DDR1: variants seen among roughly 807,000 people sequenced by gnomAD.
DDR1 encodes discoidin domain receptor tyrosine kinase 1.
A neutral mutation model predicts 97.4 loss-of-function variants in DDR1; 64 were observed. The observed-to-expected ratio is 0.66, with a 90% CI of 0.54 to 0.81. The LOEUF (loss-of-function observed/expected upper bound fraction) is 0.81. Among genes scored for constraint, DDR1 ranks in the 30% least tolerant of loss-of-function variants. DDR1 has a pLI of 0.00. For synonymous variants in DDR1, 458 were observed against 503.7 expected, an observed-to-expected ratio of 0.91 and a Z score of 1.21; for missense variants, 990 against 1,259.6, an observed-to-expected ratio of 0.79 and a Z score of 3.24.
Position 30,892,110 on chromosome 6 carries a change from G to C in DDR1, c.774G>C (p.Trp258Cys). The C allele has an allele frequency of 1.2e-6, 2 of 1,614,194 alleles. No individual in the cohort carries two copies. Among genetic ancestry groups the C allele is most frequent in the Non-Finnish European group, 1.7e-6 (2 of 1,180,018 alleles). ...GGCCAGGCTATGACTATGTGGGATG[G>C]AGCAACCACAGCTTCTCCAGTGGCT... Reference protein sequence around the residue: ...RVWPGYDYVGWSNHSFSSGYV... With the variant: ...RVWPGYDYVGCSNHSFSSGYV... Residue 258 changes from tryptophan to cysteine, a missense_variant, in exon 7 of 18, where the codon TGG becomes TGC. Physicochemically the swap from Trp to Cys is radical, Grantham distance 215. Transcript: ENST00000376568.
At chr6:30,893,709 GCCCGTATCTAC>G (rs1191612487) in intron 10 of DDR1, among the ~76,000 whole-genome samples, 1 of 152,228 alleles carries the variant, frequency 6.6e-6, no homozygotes, top group East Asian at 1.9e-4. Flanking sequence ...GATGCAGCTG[GCCCGTATCTAC>G]CCCTCAGGGA....
rs1392105945 is a variant in DDR1, at chr6:30,890,897, A to T, written c.418-76A>T. On this transcript the variant is annotated intron_variant, in intron 4 of 17. Coordinates refer to ENST00000376568, the MANE Select transcript of DDR1 (RefSeq NM_001297654.2). The surrounding 1 kb of genome is among the most constrained non-coding windows in gnomAD (Gnocchi z 5.0). ...CTAAGTGGCCACTGTGGGCTGGGCC[A>T]GGGAGCAGCTGGTGGGTGGGAAGTA... 6.7e-7 allele frequency: 1 copy of T among 1,488,896 alleles called. No homozygotes were observed. 92.2% of individuals were successfully genotyped at this position (1,488,896 alleles called of 1,614,324 possible).
At chr6:30,896,296 G>C (rs1158029859) in intron 12 of DDR1, among the ~76,000 whole-genome samples, 1 of 151,794 alleles carries the variant, frequency 6.6e-6, no homozygotes. Flanking sequence ...GAGAATTCCT[G>C]GGGAGGAATT....
rs1280099868 is a variant in DDR1 at position 30,894,584 on chromosome 6, C to T, written c.1426C>T (p.Pro476Ser). 8.7e-6 allele frequency: 14 copies of T among 1,613,638 alleles called. No individual in the cohort carries two copies. Among genetic ancestry groups the T allele is most frequent in the Non-Finnish European group, 1.2e-5 (14 of 1,179,784 alleles). ...PGDTILINNR[P>S]GPREPPPYQE... ...GGACACTATCCTCATCAACAACCGC[C>T]CAGGTCCTAGAGAGCCACCCCCGTA... Residue 476 changes from proline to serine, a missense_variant, in exon 11 of 18, where the codon CCA becomes TCA. Transcript: ENST00000376568. The surrounding 1 kb of genome is among the most constrained non-coding windows in gnomAD (Gnocchi z 5.7).
At chr6:30,885,517 C>T (rs1243307246) in intron 1 of DDR1, 1 of 1,260,398 alleles carries the variant, frequency 7.9e-7, no homozygotes, top group Non-Finnish European at 1.1e-6. Context: ...GTGTTAGAGG[C>T]TGGGCCCCAG....
Position 30,893,177 on chromosome 6 carries a change from G to T in DDR1, c.1195+14G>T. On this transcript the variant is annotated intron_variant, in intron 9 of 17. Transcript: ENST00000376568. ...TCAGCAGCTTGGGTGAGCAATCTTG[G>T]GTGGGCGTGTGGACCCTCTGCACCC... 1 of 1,604,924 alleles carries T rather than the reference G, an allele frequency of 6.2e-7. No homozygotes were observed. The highest frequency in any genetic ancestry group is 1.1e-5 in the South Asian group (1 of 90,596).
rs767636144 is a variant in DDR1 at position 30,897,634 on chromosome 6, C to T, written c.2216+37C>T. On this transcript the variant is annotated intron_variant, in intron 15 of 17. Transcript: ENST00000376568. This position sits in a 1 kb window ranked among gnomAD's most constrained non-coding sequence, Gnocchi z 5.2. ...CCCAGGCTGGGCCTTGCTCAGAATT[C>T]CCCCAGGGGATCTCCTCCTCTCCCC... The T allele has an allele frequency of 7.7e-5, 118 of 1,532,502 alleles. No individual in the cohort carries two copies. Among genetic ancestry groups the T allele is most frequent in the Non-Finnish European group, 9.4e-5 (105 of 1,121,902 alleles). 94.9% of individuals were successfully genotyped at this position (1,532,502 alleles called of 1,614,324 possible).
chr6:30,883,548 T>TGCTCCTCTTCTTCCTCCTCCC (rs1784659224), upstream of DDR1: 1 of 153,768 alleles, frequency 6.5e-6, no homozygotes, highest in Admixed American at 6.5e-5. The surrounding 1 kb of genome is among the most constrained non-coding windows in gnomAD (Gnocchi z 4.9). Context: ...ATCCTTCTCC[T>TGCTCCTCTTCTTCCTCCTCCC]GCTCCTCTTC....
At chr6:30,881,669 G>A (rs1019391996), upstream of DDR1, among the ~76,000 whole-genome samples, 22 of 152,090 alleles carry the variant, frequency 1.4e-4, no homozygotes, top group African/African-American at 5.1e-4. Context: ...CCTTCATCCA[G>A]TTCAGCCCTT....
chr6:30,885,558 GGT>G (rs1214442514), intron 1 of DDR1: 3 of 1,402,836 alleles, frequency 2.1e-6, no homozygotes, highest in East Asian at 2.7e-5. Context: ...CAAGGGCCCG[GGT>G]GTGTGTGTCT....
In DDR1 at chr6:30,892,062, G is replaced by A; in HGVS notation, c.726G>A (p.Arg242=). The A allele has an allele frequency of 6.2e-7, 1 of 1,614,170 alleles. No homozygotes were observed. Among genetic ancestry groups the A allele is most frequent in the Non-Finnish European group, 8.5e-7 (1 of 1,180,004 alleles). The change falls in exon 7 of 18, where the codon AGG becomes AGA. Residue 242 remains arginine (R), a synonymous_variant. Transcript: ENST00000376568. The part of the protein sequence containing the change: ...ADGVVGLDDF[R]KSQELRVWPG... The stretch of plus-strand genomic sequence containing the variant: ...GTGTGGTGGGGCTGGATGACTTTAG[G>A]AAGAGTCAGGAGCTGCGGGTCTGGC...
intron 8 of DDR1, 98 bp downstream of exon 8, chr6:30,892,640 T>C: frequency 6.9e-7 from 1 of 1,456,716 alleles, no homozygotes; most frequent in Non-Finnish European, 9.1e-7. Flanking sequence ...CCTTGCATTA[T>C]ATCTACCCAT....
intron 1 of DDR1, chr6:30,885,258 C>A (rs546626495): frequency 2.3e-5 from 35 of 1,531,890 alleles, no homozygotes; most frequent in Non-Finnish European, 2.7e-5. Context: ...GGGTCCCACC[C>A]CCCCATGCCT....
rs1278958315 is a variant in DDR1 at position 30,886,277 on chromosome 6, G to A, written c.-43+1567G>A. Among the ~76,000 whole-genome samples, 1 of 152,144 alleles carries A rather than the reference G, an allele frequency of 6.6e-6. No individual in the cohort carries two copies. The highest frequency in any genetic ancestry group is 1.5e-5 in the Non-Finnish European group (1 of 68,030). ...ATGACTCATCTGGGATAGGCATGAA[G>A]GTTACTTAGGGGAACAAGAGCCCCG... On this transcript the variant is annotated intron_variant, in intron 1 of 17. Coordinates refer to ENST00000376568, the MANE Select transcript of DDR1 (RefSeq NM_001297654.2). The surrounding 1 kb of genome is among the most constrained non-coding windows in gnomAD (Gnocchi z 4.6).
chr6:30,893,221 C>G (rs746611882), intron 9 of DDR1, 51 bp from the exon 10 acceptor site: 1 of 1,594,894 alleles, frequency 6.3e-7, no homozygotes, highest in Admixed American at 1.7e-5. Context: ...GGGCCTCCCC[C>G]TCGGCTAGGG....
Position 30,893,351 on chromosome 6 carries a change from C to A in DDR1, c.1275C>A (p.Ala425=). 6.2e-7 allele frequency: 1 copy of A among 1,608,214 alleles called. No homozygotes were observed. Residue 425 remains alanine, a synonymous_variant, in exon 10 of 18, where the codon GCC becomes GCA. Coordinates refer to ENST00000376568, the MANE Select transcript of DDR1 (RefSeq NM_001297654.2). The part of the protein sequence containing the change: ...PTAILIGCLV[A]IILLLLLIIA... ...CCATCCTCATCGGCTGCCTGGTGGC[C>A]ATCATCCTGCTCCTGCTGCTCATCA...
At chr6:30,885,910 G>A (rs1785626477) in intron 1 of DDR1, 3 of 1,036,150 alleles carry the variant, frequency 2.9e-6, no homozygotes, top group Non-Finnish European at 4.0e-6. Flanking sequence ...AGGGCTTGAG[G>A]CAGGGTGGCC....
rs1788810305 is a variant in DDR1 at position 30,892,403 on chromosome 6, C to T, written c.960C>T (p.His320=). The change falls in exon 8 of 18, where the codon CAC becomes CAT. Residue 320 remains histidine (H), a synonymous_variant. Transcript: ENST00000376568. ...CCTGGGAGGGGGAGCCCATGCGCCA[C>T]AACCTAGGGGGCAACCTGGGGGACC... ...AMAWEGEPMR[H]NLGGNLGDPR... 1.9e-6 allele frequency: 3 copies of T among 1,600,186 alleles called. No individual in the cohort carries two copies. The highest frequency in any genetic ancestry group is 2.7e-5 in the African/African-American group (2 of 74,870).
intron 11 of DDR1, among the ~76,000 whole-genome samples, chr6:30,895,126 C>T (rs1242263781): frequency 3.3e-5 from 5 of 152,162 alleles, no homozygotes; most frequent in African/African-American, 4.8e-5. Context: ...CATCATCCAT[C>T]TATCCATCTA....
Sources: allele counts gnomAD v4.1 joint callset (sites outside exome capture counted in the v4.1 genomes callset), GRCh38; gene constraint gnomAD v4.1.1; non-coding constraint Gnocchi (gnomAD v3.1); transcripts MANE v1.5; gene names NCBI Gene and HGNC (gene_info 2026-07-23, HGNC 2026-07-21).